The following TDP1 variants were observed in gnomAD, a reference collection of about 807,000 sequenced individuals.
TDP1 encodes the protein tyr-DNA phosphodiesterase 1.
In TDP1, 64 loss-of-function variants were observed where a neutral mutation model predicts 81.5. That is an observed-to-expected ratio of 0.79 (90% CI 0.64 to 0.97). The LOEUF (loss-of-function observed/expected upper bound fraction) is 0.97, where lower values mean the gene tolerates loss of function less well. Ranked by LOEUF, TDP1 falls within the 50% of genes least tolerant of loss-of-function variation. The probability of loss-of-function intolerance (pLI) is 0.00; values close to 1 mark genes in which losing one functional copy is unlikely to be tolerated. For synonymous variants in TDP1, 256 were observed against 264.3 expected (o/e 0.97, Z 0.30); for missense variants, 723 against 743.8 (o/e 0.97, Z 0.33).
intron 15 of TDP1, among the ~76,000 whole-genome samples, chr14:90,020,364 C>CTCCCTCCCTCCT (rs1338444363): frequency 0.029 from 4,140 of 142,704 alleles, 243 homozygotes; most frequent in African/African-American, 0.11. Flanking sequence ...TCCTCCCTCC[C>CTCCCTCCCTCCT]TCCCTCCCTC....
At chr14:90,034,392 A>C (rs1215062245) in intron 16 of TDP1, among the ~76,000 whole-genome samples, 1 of 152,190 alleles carries the variant, frequency 6.6e-6, no homozygotes, top group East Asian at 1.9e-4. Flanking sequence ...GCATGCATTG[A>C]GTCTTAAGGG....
At chr14:90,008,716 T>C (rs1238492991) in intron 14 of TDP1, among the ~76,000 whole-genome samples, 2 of 152,224 alleles carry the variant, frequency 1.3e-5, no homozygotes, top group African/African-American at 4.8e-5. Flanking sequence ...CTTTGAAATC[T>C]TTTGTTTATT....
chr14:90,041,768 T>G (rs1299297862), intron 16 of TDP1, among the ~76,000 whole-genome samples: 1 of 152,240 alleles, frequency 6.6e-6, no homozygotes, highest in Non-Finnish European at 1.5e-5. Context: ...GTATTTACGG[T>G]CTACCCATAT....
At chr14:90,032,619 G>T (rs905445174) in intron 15 of TDP1, 8 of 423,890 alleles carry the variant, frequency 1.9e-5, no homozygotes, top group Non-Finnish European at 2.5e-5. Flanking sequence ...CATTTTGATA[G>T]GTCTTAAAGA....
intron 14 of TDP1, among the ~76,000 whole-genome samples, chr14:89,999,756 T>C (rs914603066): frequency 2.6e-5 from 4 of 152,212 alleles, no homozygotes; most frequent in African/African-American, 9.6e-5. Context: ...CCAAAAACAT[T>C]GCCATTGCTC....
intron 13 of TDP1, 76 bp from the exon 14 acceptor site, chr14:89,993,300 T>A: frequency 7.4e-7 from 1 of 1,344,538 alleles, no homozygotes; most frequent in East Asian, 2.5e-5. Context: ...CTCTTTGTTT[T>A]CATGCAGTTT....
chr14:89,962,972 A>G, intron 2 of TDP1, 136 bp from the exon 3 acceptor site: 1 of 1,524,004 alleles, frequency 6.6e-7, no homozygotes, highest in Non-Finnish European at 8.8e-7. Flanking sequence ...ATAAACACCC[A>G]AAAAGCAGCT....
chr14:90,034,275 A>G (rs1887603894), intron 16 of TDP1, among the ~76,000 whole-genome samples: 1 of 152,218 alleles, frequency 6.6e-6, no homozygotes, highest in African/African-American at 2.4e-5. Flanking sequence ...ACAACAAATG[A>G]TGGCTTAATA....
chr14:89,992,605 A>G (rs1423214185), intron 13 of TDP1, among the ~76,000 whole-genome samples: 1 of 152,226 alleles, frequency 6.6e-6, no homozygotes, highest in Non-Finnish European at 1.5e-5. Context: ...GTCAGTGTGT[A>G]ATCCTAGAGC....
At chr14:89,984,729 C>T (rs755968354) in intron 9 of TDP1, 46 bp downstream of exon 9, 1 of 1,608,172 alleles carries the variant, frequency 6.2e-7, no homozygotes, top group Admixed American at 1.7e-5. Context: ...TAGGCTTATA[C>T]CTTGGGAGCC....
rs79739980 is a variant in TDP1, at chr14:89,989,554, A to G, written c.1318-163A>G. ...CAAATATGGTTCCTGTTGTTTAATT[A>G]CTAGTTCATTTTTTTCATAAGATGA... On this transcript the variant is annotated intron_variant, in intron 11 of 16. Transcript: ENST00000335725. The G allele has an allele frequency of 0.011, 7,393 of 644,086 alleles. 473 individuals are homozygous for G. In the African/African-American group the frequency reaches 0.13, roughly 12 times the overall value. 39.9% of individuals were successfully genotyped at this position (644,086 alleles called of 1,614,324 possible).
intron 16 of TDP1, among the ~76,000 whole-genome samples, chr14:90,036,667 C>A (rs1887846103): frequency 6.6e-6 from 1 of 152,138 alleles, no homozygotes; most frequent in Non-Finnish European, 1.5e-5. Flanking sequence ...TGTGCAGACA[C>A]CATCTAGGTG....
intron 6 of TDP1, among the ~76,000 whole-genome samples, chr14:89,975,223 T>C (rs1290710393): frequency 3.3e-5 from 5 of 152,152 alleles, no homozygotes; most frequent in Non-Finnish European, 7.4e-5. Context: ...CTACAGGCGC[T>C]GGCCACCACG....
At chr14:89,991,412 C>A in intron 12 of TDP1, 1 of 266,420 alleles carries the variant, frequency 3.8e-6, no homozygotes, top group Non-Finnish European at 5.8e-6. Flanking sequence ...AAGCTCTATT[C>A]TGCTTTACTT....
intron 16 of TDP1, among the ~76,000 whole-genome samples, chr14:90,036,177 AATAAAG>A (rs1457661702): frequency 1.3e-5 from 2 of 152,138 alleles, no homozygotes; most frequent in African/African-American, 2.4e-5. Flanking sequence ...TTTTTTAAAA[AATAAAG>A]ATACATACAA....
In TDP1 at chr14:89,989,000, A is replaced by G; in HGVS notation, c.1227A>G (p.Ser409=). 1.2e-6 allele frequency: 2 copies of G among 1,614,180 alleles called. No homozygotes were observed. Among genetic ancestry groups the G allele is most frequent in the South Asian group, 1.1e-5 (1 of 91,086 alleles). The change falls in exon 11 of 17, where the codon TCA becomes TCG. Residue 409 remains serine, a synonymous_variant. Coordinates refer to ENST00000335725, the MANE Select transcript of TDP1 (RefSeq NM_018319.4). ...TTGGCTCCTTGGGAGCCGATGAATC[A>G]AAGTGGTTATGTTCTGAGTTTAAAG... is the stretch of plus-strand genomic sequence containing the variant. ...SSVGSLGADE[S]KWLCSEFKES... is the part of the protein sequence containing the mutation.
At chr14:90,008,958 C>G (rs1354306299) in intron 14 of TDP1, among the ~76,000 whole-genome samples, 1 of 152,210 alleles carries the variant, frequency 6.6e-6, no homozygotes, top group Non-Finnish European at 1.5e-5. Context: ...ATCCTTCTGT[C>G]TTGGCTTCCC....
At chr14:89,983,359 C>T (rs1343440298) in intron 8 of TDP1, 2 of 244,590 alleles carry the variant, frequency 8.2e-6, no homozygotes, top group Non-Finnish European at 8.2e-6. Context: ...TAAGTGTCTC[C>T]CCAGGGTGGG....
chr14:89,975,579 G>GTTTT, intron 6 of TDP1: 1 of 361,636 alleles, frequency 2.8e-6, no homozygotes, highest in Non-Finnish European at 3.5e-6. Flanking sequence ...AACAAAATTT[G>GTTTT]TGTTTTTTTT....
Sources: allele counts gnomAD v4.1 joint callset (sites outside exome capture counted in the v4.1 genomes callset), GRCh38; gene constraint gnomAD v4.1.1; transcripts MANE v1.5; gene names NCBI Gene and HGNC (gene_info 2026-07-23, HGNC 2026-07-21).